Variants in GAN observed in about 807,000 individuals in gnomAD.
GAN encodes the protein epididymis secretory sperm binding protein.
Under a neutral mutation model 71.3 loss-of-function variants are expected in GAN, and 48 were observed. The observed-to-expected ratio is 0.67, with a 90% CI of 0.53 to 0.86. The LOEUF (loss-of-function observed/expected upper bound fraction) is 0.86, where lower values mean the gene tolerates loss of function less well. GAN is among the 40% of genes least tolerant of loss of function. GAN has a pLI of 0.00. For missense variants in GAN, 928 were observed against 770.1 expected (o/e 1.21, Z -2.43); for synonymous variants, 386 against 276.8 (o/e 1.39, Z -3.92).
Position 81,330,311 on chromosome 16 carries a change from G to GA in GAN, c.167+15036dup, listed in dbSNP as rs539542346. On this transcript the variant is annotated intron_variant, in intron 1 of 10. Transcript: ENST00000648994. ...CAAGGCTGATTCAGTGCTGGGGCAG[G>GA]AAAAAGACACCAAGAGGCTGGAGCA... is the stretch of plus-strand genomic sequence containing the variant. 2.5e-3 allele frequency among the ~76,000 whole-genome samples: 380 copies of GA among 152,350 alleles called. 4 individuals are homozygous for GA. Among genetic ancestry groups the GA allele is most frequent in the Non-Finnish European group, 3.1e-3 (213 of 68,036 alleles).
At chr16:81,362,969 G>C (rs12448813) in intron 6 of GAN, among the ~76,000 whole-genome samples, 63,372 of 152,106 alleles carry the variant, frequency 0.42, 13,920 homozygotes, top group Middle Eastern at 0.54. Flanking sequence ...CCATCTCACG[G>C]ACCAGGCATT....
In GAN at chr16:81,359,358, CAG is replaced by C. The variant is rs1910593924; in HGVS notation, c.973+1429_973+1430del. 2.0e-5 allele frequency among the ~76,000 whole-genome samples: 3 copies of C among 150,382 alleles called. No homozygotes were observed. The South Asian group carries it at 6.3e-4, about 31-fold the overall frequency. The stretch of plus-strand genomic sequence containing the variant: ...CTGTGTACAGTGGAATTGATGGAAA[CAG>C]AAGTGAGTGATTGAGGAGGTCCTTC... On this transcript the variant is annotated intron_variant, in intron 5 of 10. Transcript: ENST00000648994.
intron 4 of GAN, 77 bp downstream of exon 4, chr16:81,357,079 C>A: frequency 2.2e-6 from 2 of 911,598 alleles, no homozygotes; most frequent in Non-Finnish European, 3.7e-6. Context: ...ATTCATAATG[C>A]TTTTCAGTAT....
Position 81,362,502 on chromosome 16 carries a change from G to T in GAN, c.977G>T (p.Gly326Val). 6.4e-7 allele frequency: 1 copy of T among 1,564,250 alleles called. No individual in the cohort carries two copies. Among genetic ancestry groups the T allele is most frequent in the Non-Finnish European group, 8.8e-7 (1 of 1,134,518 alleles). ...GTGTTTCCTTTGATCTTTGCAGAAGGATTTTTGTTTGTATTCGGGGGCCAA... is the reference window on the plus strand; with the variant it reads ...GTGTTTCCTTTGATCTTTGCAGAAGTATTTTTGTTTGTATTCGGGGGCCAA... ...RINHGVLSAEGFLFVFGGQDE... is the reference protein window; with the variant it reads ...RINHGVLSAEVFLFVFGGQDE... Residue 326 changes from glycine (G) to valine (V), a missense_variant, in exon 6 of 11, where the codon GGA becomes GTA. Gly to Val is a moderately radical substitution (Grantham distance 109). Coordinates refer to ENST00000648994, the MANE Select transcript of GAN (RefSeq NM_022041.4).
intron 1 of GAN, among the ~76,000 whole-genome samples, chr16:81,333,311 G>A (rs1282675279): frequency 2.0e-5 from 3 of 151,468 alleles, no homozygotes; most frequent in African/African-American, 7.3e-5. Flanking sequence ...AATAAGTTGT[G>A]GGAGCAACAC....
chr16:81,316,283 T>G (rs979421245), intron 1 of GAN, among the ~76,000 whole-genome samples: 2 of 152,162 alleles, frequency 1.3e-5, no homozygotes, highest in African/African-American at 2.4e-5. Flanking sequence ...TCACTACAAT[T>G]GACAGGTCAG....
chr16:81,364,511 C>T (rs558234574), intron 7 of GAN, among the ~76,000 whole-genome samples: 9 of 152,242 alleles, frequency 5.9e-5, no homozygotes, highest in Non-Finnish European at 1.0e-4. Flanking sequence ...AAGCGATCCC[C>T]CATCTCTACA....
At position 81,362,571 on chromosome 16, in the gene GAN, CA is replaced by C; in HGVS notation, c.1047del (p.Asp350MetfsTer11). On this transcript the variant is annotated frameshift_variant, in exon 6 of 11. Coordinates refer to ENST00000648994, the MANE Select transcript of GAN (RefSeq NM_022041.4). LOFTEE classifies it high-confidence loss of function. ...QTLSSGEKYD[P>X]DANTWTALPP... Reference sequence around the variant, plus strand: ...CTTAGCTCAGGAGAAAAGTATGATCCAGATGCAAATACATGGACAGCATTGC... The same window carrying C: ...CTTAGCTCAGGAGAAAAGTATGATCCGATGCAAATACATGGACAGCATTGC... The C allele has an allele frequency of 6.2e-7, 1 of 1,606,156 alleles. No homozygotes were observed. Among genetic ancestry groups the C allele is most frequent in the Non-Finnish European group, 8.5e-7 (1 of 1,172,704 alleles).
At chr16:81,321,985 C>A (rs1909238480) in intron 1 of GAN, among the ~76,000 whole-genome samples, 1 of 152,144 alleles carries the variant, frequency 6.6e-6, no homozygotes, top group African/African-American at 2.4e-5. Context: ...CTATGTCCAT[C>A]TAGATGGCCC....
rs1410298158 is a variant in GAN, at chr16:81,381,573, T to A, written c.*3977T>A. ...CTTGGGTCAGCCAACACATGTCTGATGAGCACCCACTAGGAACTGTGCTTG... is the reference window on the plus strand; with the variant it reads ...CTTGGGTCAGCCAACACATGTCTGAAGAGCACCCACTAGGAACTGTGCTTG... On this transcript the variant is annotated 3_prime_UTR_variant, in exon 11 of 11. Transcript: ENST00000648994. The A allele has an allele frequency of 6.6e-6, 1 of 152,236 alleles. No individual in the cohort carries two copies. Among genetic ancestry groups the A allele is most frequent in the African/African-American group, 2.4e-5 (1 of 41,442 alleles). The allele number at this position is 152,236 out of a possible 1,614,324, so 9.4% of individuals were successfully genotyped here. A position where few individuals can be genotyped will look rare whatever the true frequency, so the allele number is the denominator to read the frequency against.
rs990870554 is a variant in GAN, at chr16:81,379,214, C to G, written c.*1618C>G. 1 of 152,084 alleles carries G rather than the reference C, an allele frequency of 6.6e-6. No individual in the cohort carries two copies. Among genetic ancestry groups the G allele is most frequent in the East Asian group, 1.9e-4 (1 of 5,196 alleles). The allele number at this position is 152,084 out of a possible 1,614,324, so 9.4% of individuals were successfully genotyped here. ...ATATGAAAAACATCACTTACGTTCT[C>G]CCACCCATAGACATAAAAAAGGGTG... is the stretch of plus-strand genomic sequence containing the variant. On this transcript the variant is annotated 3_prime_UTR_variant, in exon 11 of 11. Transcript: ENST00000648994.
chr16:81,346,276 T>C (rs532644466), intron 1 of GAN, among the ~76,000 whole-genome samples: 11 of 152,288 alleles, frequency 7.2e-5, no homozygotes, highest in African/African-American at 2.4e-4. Flanking sequence ...GGAATAGATA[T>C]ATGGAGCATC....
intron 5 of GAN, 109 bp from the exon 6 acceptor site, chr16:81,362,388 AAC>A: frequency 1.4e-6 from 1 of 725,928 alleles, no homozygotes. Context: ...ATCCAAAGAG[AAC>A]ATTGTTGTCA....
intron 9 of GAN, among the ~76,000 whole-genome samples, chr16:81,366,525 C>G (rs1279069650): frequency 6.6e-6 from 1 of 152,164 alleles, no homozygotes; most frequent in Non-Finnish European, 1.5e-5. Context: ...AGTCGTGCTA[C>G]CAGAAGAGGG....
chr16:81,367,535 A>C (rs1308124174), intron 9 of GAN, among the ~76,000 whole-genome samples: 4 of 152,152 alleles, frequency 2.6e-5, no homozygotes, highest in Non-Finnish European at 5.9e-5. Context: ...TCTCTAAATA[A>C]ATAAGAGCAC....
chr16:81,387,046 T>G lies in GAN; in HGVS notation c.*9450T>G, dbSNP rs191552720. 5.8e-4 allele frequency: 88 copies of G among 152,380 alleles called. No homozygotes were observed. Among genetic ancestry groups the G allele is most frequent in the African/African-American group, 2.0e-3 (83 of 41,594 alleles). The allele number at this position is 152,380 out of a possible 1,614,324, so 9.4% of individuals were successfully genotyped here. A position where few individuals can be genotyped will look rare whatever the true frequency, so the allele number is the denominator to read the frequency against. On this transcript the variant is annotated 3_prime_UTR_variant, in exon 11 of 11. Coordinates refer to ENST00000648994, the MANE Select transcript of GAN (RefSeq NM_022041.4). ...GACAGTGTTGGCAAGAACGGATCTT[T>G]GGCAAGATCACTTAAGGTGAGCTAC... is the stretch of plus-strand genomic sequence containing the variant.
chr16:81,338,397 AATG>A (rs1393369170), intron 1 of GAN, among the ~76,000 whole-genome samples: 4 of 152,184 alleles, frequency 2.6e-5, no homozygotes, highest in Non-Finnish European at 4.4e-5. Flanking sequence ...TCAAGGAAAA[AATG>A]ATCAGTTATT....
intron 1 of GAN, among the ~76,000 whole-genome samples, chr16:81,336,377 G>T (rs780677168): frequency 6.6e-6 from 1 of 152,216 alleles, no homozygotes; most frequent in South Asian, 2.1e-4. Context: ...GTGAGACAAG[G>T]CCATCTGTTG....
chr16:81,338,072 C>T (rs918769677), intron 1 of GAN, among the ~76,000 whole-genome samples: 10 of 152,104 alleles, frequency 6.6e-5, no homozygotes, highest in Admixed American at 3.9e-4. Flanking sequence ...GATCAGCAGA[C>T]GGGGCAGAGA....
Sources: gnomAD v4.1 joint callset for allele counts (sites outside exome capture counted in the v4.1 genomes callset) on GRCh38, gnomAD v4.1.1 for gene constraint, MANE v1.5 for transcripts, NCBI Gene and HGNC (gene_info 2026-07-23, HGNC 2026-07-21) for gene names.